Variants in ADCY2 observed in about 807,000 individuals in gnomAD.
ADCY2 encodes adenylate cyclase 2.
ADCY2 carries 31 observed loss-of-function variants against 125.2 expected under a neutral mutation model. The observed-to-expected ratio is 0.25, with a 90% CI of 0.19 to 0.33. ADCY2 has a LOEUF of 0.33. Among genes scored for constraint, ADCY2 ranks in the 10% least tolerant of loss-of-function variants. The pLI is 1.00. For missense variants in ADCY2, 904 were observed against 1,418.2 expected (o/e 0.64, Z 5.82); for synonymous variants, 512 against 548.4 (o/e 0.93, Z 0.93).
At position 7,761,142 on chromosome 5, in the gene ADCY2, TCTTTTC is replaced by T. The variant is rs1560959360; in HGVS notation, c.2094+3557_2094+3562del. Among the ~76,000 whole-genome samples the T allele has an allele frequency of 2.7e-4, 24 of 87,654 alleles. 2 individuals are homozygous for T. The highest frequency in any genetic ancestry group is 1.1e-3 in the African/African-American group (24 of 21,724). The allele number at this position is 87,654 out of a possible 152,430, so 57.5% of individuals were successfully genotyped here. On this transcript the variant is annotated intron_variant, in intron 16 of 24. Transcript: ENST00000338316. Reference sequence around the variant, plus strand: ...GTGTGTATCAAAATTTCTTTTCTTTTCTTTTCTTTTTTTTTTTTTTTTTTTGAGATG... The same window carrying T: ...GTGTGTATCAAAATTTCTTTTCTTTTTTTTTTTTTTTTTTTTTTTGAGATG...
chr5:7,820,160 A>G (rs1745251272), intron 23 of ADCY2, among the ~76,000 whole-genome samples: 1 of 152,144 alleles, frequency 6.6e-6, no homozygotes, highest in Non-Finnish European at 1.5e-5. Context: ...TGCTTGGAAC[A>G]GTATTGGGGC....
intron 4 of ADCY2, among the ~76,000 whole-genome samples, chr5:7,637,939 G>T (rs1399517179): frequency 6.6e-6 from 1 of 152,184 alleles, no homozygotes. Context: ...AAGGCTAGGA[G>T]CTTCTCCTCC....
At chr5:7,525,737 A>T (rs560919599) in intron 3 of ADCY2, among the ~76,000 whole-genome samples, 1 of 152,148 alleles carries the variant, frequency 6.6e-6, no homozygotes, top group African/African-American at 2.4e-5. Flanking sequence ...AAGCAACCAT[A>T]GGTTTCACTC....
intron 1 of ADCY2, among the ~76,000 whole-genome samples, chr5:7,399,521 T>C (rs1283979407): frequency 6.6e-6 from 1 of 152,204 alleles, no homozygotes; most frequent in Non-Finnish European, 1.5e-5. Flanking sequence ...CCTCAAAGTT[T>C]TATATGCTGT....
In ADCY2 at chr5:7,498,239, GTTTTTTTTTTTTTTTTTTT is replaced by G. The variant is rs910360437; in HGVS notation, c.409-22490_409-22472del. On this transcript the variant is annotated intron_variant, in intron 2 of 24. Coordinates refer to ENST00000338316, the MANE Select transcript of ADCY2 (RefSeq NM_020546.3). ...TAAGTAAAACTCTTTTTCTTTTTTC[GTTTTTTTTTTTTTTTTTTT>G]TTTTTTTTAAGACAGAGTCTCGCTC... Among the ~76,000 whole-genome samples the G allele has an allele frequency of 9.7e-5, 6 of 62,114 alleles. No individual in the cohort carries two copies. The Admixed American group carries it at 1.1e-3, about 12-fold the overall frequency. 40.7% of individuals were successfully genotyped at this position (62,114 alleles called of 152,430 possible).
At chr5:7,502,055 C>G (rs966026931) in intron 2 of ADCY2, among the ~76,000 whole-genome samples, 4 of 152,142 alleles carry the variant, frequency 2.6e-5, no homozygotes, top group African/African-American at 9.7e-5. Context: ...GGAGAAGGAA[C>G]TAGGCTGGTG....
intron 2 of ADCY2, among the ~76,000 whole-genome samples, chr5:7,506,948 C>T (rs1743844529): frequency 1.3e-5 from 2 of 150,320 alleles, no homozygotes; most frequent in South Asian, 2.1e-4. Context: ...CCACCATGCC[C>T]GGCTAATTTT....
chr5:7,543,338 AATTG>A (rs1363091603), intron 3 of ADCY2, among the ~76,000 whole-genome samples: 2 of 146,346 alleles, frequency 1.4e-5, no homozygotes, highest in African/African-American at 5.6e-5. Flanking sequence ...TTAATATCTC[AATTG>A]ATTAATATTT....
chr5:7,535,126 C>T (rs772929094), intron 3 of ADCY2, among the ~76,000 whole-genome samples: 4 of 152,132 alleles, frequency 2.6e-5, no homozygotes, highest in South Asian at 2.1e-4. Flanking sequence ...CCGCAACCTC[C>T]GCCTCTCAGG....
intron 4 of ADCY2, among the ~76,000 whole-genome samples, chr5:7,644,383 T>C (rs965792758): frequency 5.9e-5 from 9 of 152,100 alleles, no homozygotes; most frequent in Non-Finnish European, 1.3e-4. Context: ...TGACTTCTTT[T>C]TTCCTCTCCT....
At chr5:7,824,677 C>T (rs544970677) in intron 24 of ADCY2, among the ~76,000 whole-genome samples, 2 of 152,324 alleles carry the variant, frequency 1.3e-5, no homozygotes, top group South Asian at 4.1e-4. Flanking sequence ...CTGCTCTGCT[C>T]ATCAGGGTCC....
At chr5:7,723,854 G>A (rs1431343714) in intron 12 of ADCY2, among the ~76,000 whole-genome samples, 2 of 140,152 alleles carry the variant, frequency 1.4e-5, no homozygotes, top group African/African-American at 2.8e-5. Flanking sequence ...CTGGGAGGCA[G>A]AGGTTGCAGT....
intron 2 of ADCY2, among the ~76,000 whole-genome samples, chr5:7,421,922 A>T (rs1223309194): frequency 6.6e-6 from 1 of 152,210 alleles, no homozygotes; most frequent in African/African-American, 2.4e-5. Flanking sequence ...TGAAACAAAT[A>T]AACACTCATG....
At chr5:7,625,554 A>G (rs575854112) in intron 3 of ADCY2, among the ~76,000 whole-genome samples, 1 of 152,366 alleles carries the variant, frequency 6.6e-6, no homozygotes, top group Non-Finnish European at 1.5e-5. Context: ...TCATGAAAAG[A>G]ATAATGAGTT....
intron 4 of ADCY2, chr5:7,658,024 A>T (rs896489606): frequency 6.6e-6 from 1 of 152,232 alleles, no homozygotes; most frequent in African/African-American, 2.4e-5. Context: ...TGCCTTCCTC[A>T]GGTCTCCAGT....
intron 4 of ADCY2, among the ~76,000 whole-genome samples, chr5:7,641,183 C>T (rs1366676055): frequency 1.3e-5 from 2 of 152,124 alleles, no homozygotes; most frequent in African/African-American, 2.4e-5. Context: ...TACCTGCAGC[C>T]CTTTACAGCT....
chr5:7,770,368 A>G (rs935014466), intron 17 of ADCY2, among the ~76,000 whole-genome samples: 10 of 152,196 alleles, frequency 6.6e-5, no homozygotes, highest in African/African-American at 2.2e-4. Flanking sequence ...ACACCCTCTT[A>G]TAAGTGGTTC....
chr5:7,582,979 T>A (rs1736486329), intron 3 of ADCY2, among the ~76,000 whole-genome samples: 1 of 152,118 alleles, frequency 6.6e-6, no homozygotes, highest in Admixed American at 6.6e-5. Context: ...ACTAGTAGAA[T>A]TAATATGCAA....
chr5:7,438,441 G>T (rs1740890393), intron 2 of ADCY2, among the ~76,000 whole-genome samples: 1 of 152,218 alleles, frequency 6.6e-6, no homozygotes, highest in Non-Finnish European at 1.5e-5. Flanking sequence ...GGGGAAATAA[G>T]TGAATAATAT....
Sources: gnomAD v4.1 joint callset for allele counts (sites outside exome capture counted in the v4.1 genomes callset) on GRCh38, gnomAD v4.1.1 for gene constraint, MANE v1.5 for transcripts, NCBI Gene and HGNC (gene_info 2026-07-23, HGNC 2026-07-21) for gene names.